The following PATJ variants were observed in gnomAD, a reference collection of about 807,000 sequenced individuals.
The protein encoded by PATJ is PATJ crumbs cell polarity complex component, also known as inaD-like protein.
PATJ carries 190 observed loss-of-function variants against 224.9 expected under a neutral mutation model. The ratio of observed to expected loss-of-function variants is 0.84; its 90% CI spans 0.75 to 0.95. The LOEUF (loss-of-function observed/expected upper bound fraction) is 0.95. PATJ is among the 40% of genes least tolerant of loss of function. The pLI is 0.00. For missense variants in PATJ, 2,121 were observed against 2,270.3 expected (o/e 0.93, Z 1.34); for synonymous variants, 769 against 820.3 (o/e 0.94, Z 1.07).
intron 31 of PATJ, among the ~76,000 whole-genome samples, chr1:62,074,389 A>T (rs1657956648): frequency 6.6e-6 from 1 of 152,130 alleles, no homozygotes; most frequent in Non-Finnish European, 1.5e-5. Flanking sequence ...ATAGATACAG[A>T]ATGAACCTTA....
chr1:61,812,385 A>AATGTGAGTGACT, intron 14 of PATJ, among the ~76,000 whole-genome samples: 1 of 112,760 alleles, frequency 8.9e-6, no homozygotes, highest in Admixed American at 9.2e-5. Context: ...AGAGAGAGAG[A>AATGTGAGTGACT]GAGAGAGAGA....
At position 62,121,295 on chromosome 1, in the gene PATJ, G is replaced by A. The variant is rs1665013249; in HGVS notation, c.5005G>A (p.Gly1669Ser). ...RVSDPSQKNS[G>S]TDMEPRTVEI... ...TTCAGATCCTTCCCAGAAAAATTCA[G>A]GTATTACACGGACACACCCAGAGCA... The change falls in exon 38 of 44, where the codon GGC (glycine) becomes AGC (serine). Residue 1669 changes from glycine to serine, a missense_variant and splice_region_variant. By Grantham distance (56) the Gly-to-Ser change is moderately conservative (BLOSUM62 0). Transcript: ENST00000642238. The A allele has an allele frequency of 6.3e-7, 1 of 1,581,556 alleles. No homozygotes were observed. Among genetic ancestry groups the A allele is most frequent in the Non-Finnish European group, 8.7e-7 (1 of 1,151,944 alleles).
intron 19 of PATJ, 114 bp downstream of exon 19, chr1:61,861,781 GAAAT>G (rs1469500506): frequency 1.9e-6 from 1 of 530,444 alleles, no homozygotes; most frequent in East Asian, 3.1e-5. Flanking sequence ...TGGCTAAGTA[GAAAT>G]AAATAAAGAC....
intron 41 of PATJ, among the ~76,000 whole-genome samples, chr1:62,135,342 A>ACC (rs200056282): frequency 2.0e-5 from 3 of 151,434 alleles, no homozygotes; most frequent in Admixed American, 6.6e-5. Flanking sequence ...ACGTGGTGAA[A>ACC]CCCCCTCTAC....
At chr1:62,057,289 G>A (rs1654709952) in intron 31 of PATJ, among the ~76,000 whole-genome samples, 1 of 152,228 alleles carries the variant, frequency 6.6e-6, no homozygotes, top group South Asian at 2.1e-4. Context: ...ACAAAGGAAG[G>A]TTTTAGGCAA....
chr1:62,010,035 A>G (rs1319475973), intron 28 of PATJ, among the ~76,000 whole-genome samples: 1 of 148,018 alleles, frequency 6.8e-6, no homozygotes, highest in South Asian at 2.2e-4. Context: ...GTGAGCCGAG[A>G]TCGTACCATT....
intron 37 of PATJ, among the ~76,000 whole-genome samples, chr1:62,118,521 C>T (rs1343598662): frequency 6.6e-6 from 1 of 152,148 alleles, no homozygotes; most frequent in East Asian, 1.9e-4. Context: ...AAAGAGGTAA[C>T]AGGTGTTTGT....
rs866682140 is a variant in PATJ at position 62,098,850 on chromosome 1, G to A, written c.4378-9587G>A. On this transcript the variant is annotated intron_variant, in intron 33 of 43. Coordinates refer to ENST00000642238, the MANE Select transcript of PATJ (RefSeq NM_001350145.3). ...AAAGGCTTTAGGATGGAAAAGAATC[G>A]TGTTCTAAAACATTCAAATTTTTTT... 8.5e-5 allele frequency among the ~76,000 whole-genome samples: 13 copies of A among 152,170 alleles called. 1 individual carries two copies. The East Asian group carries it at 1.4e-3, about 16-fold the overall frequency.
chr1:62,017,955 T>C lies in PATJ; in HGVS notation c.3959+8T>C. Reference sequence around the variant, plus strand: ...CAAGCTGGTTTTCATCAGGTAAGATTGCTAGATCTGGTTTTGCAAAATCAA... The same window carrying C: ...CAAGCTGGTTTTCATCAGGTAAGATCGCTAGATCTGGTTTTGCAAAATCAA... On this transcript the variant is annotated splice_region_variant and intron_variant, in intron 29 of 43. Transcript: ENST00000642238. 1.9e-6 allele frequency: 3 copies of C among 1,548,006 alleles called. No homozygotes were observed. Among genetic ancestry groups the C allele is most frequent in the Non-Finnish European group, 2.7e-6 (3 of 1,119,568 alleles).
intron 27 of PATJ, among the ~76,000 whole-genome samples, chr1:61,969,938 C>A (rs2149459401): frequency 6.6e-6 from 1 of 152,274 alleles, no homozygotes; most frequent in Non-Finnish European, 1.5e-5. Context: ...AAGTGATCCG[C>A]CCGCCTCGGC....
At chr1:62,137,403 G>C (rs1315575171) in intron 41 of PATJ, among the ~76,000 whole-genome samples, 4 of 99,174 alleles carry the variant, frequency 4.0e-5, no homozygotes, top group Non-Finnish European at 8.1e-5. Flanking sequence ...AACATAGAAT[G>C]AGGGGGAACA....
intron 39 of PATJ, among the ~76,000 whole-genome samples, chr1:62,125,850 A>T (rs1045278849): frequency 7.3e-5 from 11 of 151,404 alleles, no homozygotes; most frequent in Admixed American, 2.0e-4. Context: ...GCTCACTGAA[A>T]CCTCCACCTC....
intron 12 of PATJ, among the ~76,000 whole-genome samples, chr1:61,804,760 A>T (rs1477619161): frequency 1.3e-5 from 2 of 152,280 alleles, no homozygotes; most frequent in Admixed American, 1.3e-4. Context: ...AGACACTTAA[A>T]ATCTGTTTTG....
chr1:61,755,115 G>A (rs1471064044), intron 1 of PATJ, among the ~76,000 whole-genome samples: 2 of 151,892 alleles, frequency 1.3e-5, no homozygotes, highest in Admixed American at 6.6e-5. Context: ...AGACCAGCCT[G>A]GCTGAGATGG....
At chr1:62,031,502 C>A (rs927253114) in intron 29 of PATJ, among the ~76,000 whole-genome samples, 2 of 152,198 alleles carry the variant, frequency 1.3e-5, no homozygotes, top group Non-Finnish European at 2.9e-5. Context: ...GCAGTTAATA[C>A]AGTGAGCAGA....
intron 36 of PATJ, 55 bp from the exon 37 acceptor site, chr1:62,117,077 T>G: frequency 7.0e-7 from 1 of 1,427,810 alleles, no homozygotes. Flanking sequence ...GTTAAGATAT[T>G]TCAGAATATA....
intron 27 of PATJ, among the ~76,000 whole-genome samples, chr1:61,934,158 G>A (rs1000398895): frequency 2.0e-5 from 3 of 151,970 alleles, no homozygotes; most frequent in African/African-American, 7.3e-5. Context: ...CGCTCTTGTT[G>A]CCCAGGCTAG....
chr1:61,751,515 TACCA>T (rs1438213089), intron 1 of PATJ, among the ~76,000 whole-genome samples: 1 of 151,948 alleles, frequency 6.6e-6, no homozygotes, highest in East Asian at 1.9e-4. Context: ...AGAAAACTGC[TACCA>T]ACCAGAATAC....
intron 15 of PATJ, among the ~76,000 whole-genome samples, chr1:61,825,915 A>G (rs896134328): frequency 6.6e-6 from 1 of 152,082 alleles, no homozygotes; most frequent in Non-Finnish European, 1.5e-5. Context: ...TGATTTTAGA[A>G]CTTTGTGCAC....
Sources: allele counts gnomAD v4.1 joint callset (sites outside exome capture counted in the v4.1 genomes callset), GRCh38; gene constraint gnomAD v4.1.1; transcripts MANE v1.5; gene names NCBI Gene and HGNC (gene_info 2026-07-23, HGNC 2026-07-21).